Variants in CASK observed in about 807,000 individuals in gnomAD.
The protein encoded by CASK is calcium/calmodulin dependent serine protein kinase, also known as peripheral plasma membrane protein CASK.
A neutral mutation model predicts 82.9 loss-of-function variants in CASK; 4 were observed. The ratio of observed to expected loss-of-function variants is 0.05; its 90% CI spans 0.02 to 0.11. CASK has a LOEUF of 0.11. CASK is among the 10% of genes least tolerant of loss of function. CASK has a pLI of 1.00. For missense variants in CASK, 358 were observed against 720.9 expected (o/e 0.50, Z 5.76); for synonymous variants, 259 against 253.5 (o/e 1.02, Z -0.20).
chrX:41,880,442 A>T (rs2071927745), intron 1 of CASK, among the ~76,000 whole-genome samples: 1 of 111,910 alleles, frequency 8.9e-6, no homozygotes, highest in Admixed American at 9.5e-5. Context: ...CTCAGATGCA[A>T]GCCATGTGTC....
intron 25 of CASK, among the ~76,000 whole-genome samples, chrX:41,526,241 C>G (rs2064710681): frequency 9.0e-6 from 1 of 111,333 alleles, no homozygotes. Flanking sequence ...TACTCCCGGT[C>G]ACACACATAT....
At chrX:41,740,287 T>A (rs1230386267) in intron 4 of CASK, among the ~76,000 whole-genome samples, 1 of 111,380 alleles carries the variant, frequency 9.0e-6, no homozygotes, top group Non-Finnish European at 1.9e-5. Context: ...CCCTCCATAT[T>A]TGTCTCTTTT....
chrX:41,556,736 T>A (rs2065163777), intron 19 of CASK, among the ~76,000 whole-genome samples: 1 of 112,655 alleles, frequency 8.9e-6, no homozygotes, highest in Admixed American at 9.5e-5. Context: ...TCCGTTTACA[T>A]CCTTTGCATA....
rs202060440 is a variant in CASK, at chrX:41,695,261, TAA to T, written c.430-23733_430-23732del. Among the ~76,000 whole-genome samples the T allele has an allele frequency of 1.5e-3, 169 of 110,832 alleles. 3 individuals are homozygous for T. The South Asian group carries it at 0.038, about 25-fold the overall frequency. On this transcript the variant is annotated intron_variant, in intron 5 of 26. Transcript: ENST00000378163. ...GTTACTACATACAGTAGGATAAAAGTAAAGTTTCTCGCAATGTCTGAAAATAA... is the reference window on the plus strand; with the variant it reads ...GTTACTACATACAGTAGGATAAAAGTAGTTTCTCGCAATGTCTGAAAATAA...
chrX:41,885,190 C>T (rs755963739), intron 1 of CASK, among the ~76,000 whole-genome samples: 1 of 111,795 alleles, frequency 8.9e-6, no homozygotes, highest in Admixed American at 9.5e-5. Flanking sequence ...CACTCTCTGC[C>T]AATAAACTGG....
chrX:41,774,826 A>G (rs1169008757), intron 3 of CASK, among the ~76,000 whole-genome samples: 6 of 111,365 alleles, frequency 5.4e-5, no homozygotes, highest in Admixed American at 2.9e-4. Context: ...AAAACTGGCT[A>G]GCCATATATA....
intron 21 of CASK, among the ~76,000 whole-genome samples, 182 bp from the exon 22 acceptor site, chrX:41,542,988 A>G (rs185312148): frequency 1.8e-5 from 2 of 112,435 alleles, no homozygotes; most frequent in East Asian, 5.5e-4. Flanking sequence ...AAATGTTTTT[A>G]AAATATAGGC....
chrX:41,889,435 A>G (rs1046253016), intron 1 of CASK, among the ~76,000 whole-genome samples: 1 of 110,360 alleles, frequency 9.1e-6, no homozygotes, highest in Non-Finnish European at 1.9e-5. Flanking sequence ...CTTGCTGGCC[A>G]TTTGTATTTC....
chrX:41,906,930 C>T (rs2072480375), intron 1 of CASK, among the ~76,000 whole-genome samples: 1 of 112,714 alleles, frequency 8.9e-6, no homozygotes, highest in South Asian at 3.6e-4. Flanking sequence ...TCAAATTTTC[C>T]AGTAGATAGG....
chrX:41,578,196 A>G, intron 15 of CASK, 144 bp downstream of exon 15: 1 of 446,693 alleles, frequency 2.2e-6, no homozygotes, highest in South Asian at 3.7e-5. Context: ...GGCAGGGGGG[A>G]ACTGAAGATC....
intron 2 of CASK, among the ~76,000 whole-genome samples, chrX:41,788,875 C>T (rs1422713428): frequency 9.0e-6 from 1 of 111,410 alleles, no homozygotes; most frequent in Non-Finnish European, 1.9e-5. Flanking sequence ...AATTATCACA[C>T]CTCTCATTGG....
chrX:41,894,763 G>A (rs2072244058), intron 1 of CASK, among the ~76,000 whole-genome samples: 1 of 111,165 alleles, frequency 9.0e-6, no homozygotes, highest in Non-Finnish European at 1.9e-5. Context: ...TAAAAGTGGG[G>A]GCAGGGATGC....
chrX:41,890,417 GA>G (rs369363027), intron 1 of CASK, among the ~76,000 whole-genome samples: 1,572 of 103,076 alleles, frequency 0.015, 14 homozygotes, highest in Non-Finnish European at 0.022. Context: ...CTATGCTGGG[GA>G]AAAAAAAAAC....
intron 1 of CASK, among the ~76,000 whole-genome samples, chrX:41,889,675 T>A (rs1014576041): frequency 8.9e-6 from 1 of 112,285 alleles, no homozygotes; most frequent in African/African-American, 3.2e-5. Flanking sequence ...CACCACTGTA[T>A]AATAAAATTT....
chrX:41,626,872 A>G (rs779998655), intron 9 of CASK, among the ~76,000 whole-genome samples, 169 bp from the exon 10 acceptor site: 1 of 112,675 alleles, frequency 8.9e-6, no homozygotes, highest in South Asian at 3.6e-4. Context: ...GAAATAAATT[A>G]CATATGCATA....
intron 20 of CASK, among the ~76,000 whole-genome samples, chrX:41,554,295 G>GC (rs1383814541): frequency 1.8e-5 from 2 of 111,537 alleles, no homozygotes; most frequent in Admixed American, 9.5e-5. Flanking sequence ...TGACTGCGTG[G>GC]CAGCCTTTAA....
At chrX:41,607,598 A>C (rs1310690259) in intron 12 of CASK, among the ~76,000 whole-genome samples, 1 of 112,312 alleles carries the variant, frequency 8.9e-6, no homozygotes, top group Non-Finnish European at 1.9e-5. Context: ...GATAAATTAC[A>C]CTAAAGAGAA....
At chrX:41,680,045 C>A (rs1293271362) in intron 5 of CASK, among the ~76,000 whole-genome samples, 1 of 111,036 alleles carries the variant, frequency 9.0e-6, no homozygotes. Context: ...ACTAAAAATA[C>A]AAAAATTAGC....
intron 2 of CASK, among the ~76,000 whole-genome samples, chrX:41,804,774 C>A (rs756980508): frequency 8.9e-6 from 1 of 111,851 alleles, no homozygotes; most frequent in African/African-American, 3.2e-5. Context: ...AGCATATCAC[C>A]ACCAACAAAA....
Sources: gnomAD v4.1 joint callset for allele counts (sites outside exome capture counted in the v4.1 genomes callset) on GRCh38, gnomAD v4.1.1 for gene constraint, MANE v1.5 for transcripts, NCBI Gene and HGNC (gene_info 2026-07-23, HGNC 2026-07-21) for gene names.